The following CUL4A variants were observed in gnomAD, a reference collection of about 807,000 sequenced individuals.
The protein encoded by CUL4A is cullin 4A, also known as cullin-4A.
CUL4A carries 16 observed loss-of-function variants against 95.5 expected under a neutral mutation model. The observed-to-expected ratio is 0.17, with a 90% CI of 0.11 to 0.25. The LOEUF is 0.25. Ranked by LOEUF, CUL4A falls within the 10% of genes least tolerant of loss-of-function variation. The probability of loss-of-function intolerance (pLI) is 1.00; values close to 1 mark genes in which losing one functional copy is unlikely to be tolerated. For missense variants in CUL4A, 610 were observed against 937.0 expected, an observed-to-expected ratio of 0.65 and a Z score of 4.56; for synonymous variants, 380 against 353.1, an observed-to-expected ratio of 1.08 and a Z score of -0.85.
At chr13:113,231,881 C>A (rs542703503) in intron 5 of CUL4A, among the ~76,000 whole-genome samples, 1 of 152,208 alleles carries the variant, frequency 6.6e-6, no homozygotes, top group Non-Finnish European at 1.5e-5. Context: ...TGCACGTCTC[C>A]ACCATTGAGG....
intron 16 of CUL4A, among the ~76,000 whole-genome samples, chr13:113,254,180 C>G (rs944446339): frequency 6.6e-6 from 1 of 152,036 alleles, no homozygotes; most frequent in Non-Finnish European, 1.5e-5. Context: ...CAACTGTCAC[C>G]CAAACTCTCA....
At chr13:113,223,050 G>GA (rs1409329242) in intron 3 of CUL4A, among the ~76,000 whole-genome samples, 1 of 152,152 alleles carries the variant, frequency 6.6e-6, no homozygotes, top group Non-Finnish European at 1.5e-5. Flanking sequence ...GAGTCTGAGG[G>GA]GATGATGAGA....
rs181742289 is a variant in CUL4A, at chr13:113,246,850, C to T, written c.1638+787C>T. Among the ~76,000 whole-genome samples the T allele has an allele frequency of 3.4e-3, 521 of 152,246 alleles. 2 individuals carry two copies. The highest frequency in any genetic ancestry group is 5.4e-3 in the Non-Finnish European group (364 of 68,014). ...GACCAAAGACCCAGGGAAGACTGTCCATTGTTATGCTTAGGTTTGATAAAG... is the reference window on the plus strand; with the variant it reads ...GACCAAAGACCCAGGGAAGACTGTCTATTGTTATGCTTAGGTTTGATAAAG... On this transcript the variant is annotated intron_variant, in intron 15 of 19. Transcript: ENST00000375440.
intron 4 of CUL4A, 133 bp from the exon 5 acceptor site, chr13:113,229,308 AAAAAT>A (rs1481582262): frequency 1.5e-6 from 1 of 683,208 alleles, no homozygotes. Context: ...TTTAGAAAAA[AAAAAT>A]AAAACATGAG....
intron 5 of CUL4A, 47 bp downstream of exon 5, chr13:113,229,566 C>A (rs770126422): frequency 1.4e-5 from 20 of 1,480,602 alleles, no homozygotes; most frequent in Non-Finnish European, 1.9e-5. Context: ...GCAGCTGATG[C>A]TTTTCGTCCC....
intron 3 of CUL4A, among the ~76,000 whole-genome samples, chr13:113,223,366 T>C (rs2040972786): frequency 1.3e-5 from 2 of 152,136 alleles, no homozygotes; most frequent in Admixed American, 1.3e-4. Flanking sequence ...TTCAAGTAAC[T>C]CTACTTTCTA....
rs2042351342 is a variant in CUL4A, at chr13:113,263,848, G to T, written c.*266G>T. 6.4e-6 allele frequency: 2 copies of T among 310,770 alleles called. No individual in the cohort carries two copies. The highest frequency in any genetic ancestry group is 1.1e-4 in the East Asian group (2 of 18,858). The allele number at this position is 310,770 out of a possible 1,614,324, so 19.3% of individuals were successfully genotyped here. On this transcript the variant is annotated 3_prime_UTR_variant, in exon 20 of 20. Transcript: ENST00000375440. ...GCAAAATAACTTTGAGATTGGACAA[G>T]AAGATGTTACTAAAGAGAAGTTCCT...
chr13:113,231,583 C>G (rs1056479832), intron 5 of CUL4A, among the ~76,000 whole-genome samples: 2 of 152,166 alleles, frequency 1.3e-5, no homozygotes, highest in African/African-American at 4.8e-5. Context: ...GCACTGGCTA[C>G]CTGCCTGGCA....
intron 2 of CUL4A, among the ~76,000 whole-genome samples, chr13:113,212,847 T>G (rs2040501455): frequency 6.6e-6 from 1 of 152,204 alleles, no homozygotes; most frequent in African/African-American, 2.4e-5. Flanking sequence ...TTTTTCAGTC[T>G]CTTTTCCCCT....
chr13:113,251,926 A>G lies in CUL4A; in HGVS notation c.1639-1156A>G, dbSNP rs112593930. ...GAGTGGACGAGAGCAGGGGGAGGCC[A>G]CGCCCTGGGCTGTGCAGAGATGGTC... On this transcript the variant is annotated intron_variant, in intron 15 of 19. Transcript: ENST00000375440. Among the ~76,000 whole-genome samples, 1,242 of 152,262 alleles carry G rather than the reference A, an allele frequency of 8.2e-3. 24 individuals are homozygous for G. The highest frequency in any genetic ancestry group is 0.028 in the African/African-American group (1,166 of 41,538).
intron 16 of CUL4A, among the ~76,000 whole-genome samples, chr13:113,253,411 AAAG>A (rs1254422699): frequency 5.9e-5 from 9 of 152,322 alleles, no homozygotes; most frequent in African/African-American, 2.2e-4. Context: ...CTATTGAAAA[AAAG>A]AGCAGAGAAT....
At chr13:113,208,315 T>C, upstream of CUL4A, 1 of 1,431,816 alleles carries the variant, frequency 7.0e-7, no homozygotes, top group Non-Finnish European at 9.1e-7. Flanking sequence ...TGCCAGCAAG[T>C]GAGGGCAGCG....
intron 15 of CUL4A, among the ~76,000 whole-genome samples, chr13:113,247,299 T>C (rs775512728): frequency 1.1e-4 from 17 of 152,166 alleles, no homozygotes; most frequent in Non-Finnish European, 2.5e-4. Context: ...TCAATGTGAC[T>C]GGACAGAAGG....
chr13:113,232,081 CCCACCACCATTACTGTCACCA>C (rs2041346739), intron 5 of CUL4A, among the ~76,000 whole-genome samples: 1 of 137,562 alleles, frequency 7.3e-6, no homozygotes, highest in African/African-American at 2.9e-5. Flanking sequence ...CCACTACCCG[CCCACCACCATTACTGTCACCA>C]CTACCCGCCC....
chr13:113,210,107 C>A lies in CUL4A; in HGVS notation c.264+19C>A. ...CTACCAGGTGAGGCGGCGGCCGGGGCTGGGGACGCCGCTCCTGCCCCGCGT... is the reference window on the plus strand; with the variant it reads ...CTACCAGGTGAGGCGGCGGCCGGGGATGGGGACGCCGCTCCTGCCCCGCGT... On this transcript the variant is annotated intron_variant, in intron 2 of 19. Coordinates refer to ENST00000375440, the MANE Select transcript of CUL4A (RefSeq NM_001008895.4). The A allele has an allele frequency of 6.9e-7, 1 of 1,458,222 alleles. No individual in the cohort carries two copies. 90.3% of individuals were successfully genotyped at this position (1,458,222 alleles called of 1,614,324 possible).
chr13:113,263,793 T>C lies in CUL4A; in HGVS notation c.*211T>C. 2.5e-6 allele frequency: 1 copy of C among 402,236 alleles called. No homozygotes were observed. The highest frequency in any genetic ancestry group is 4.4e-5 in the Admixed American group (1 of 22,604). The allele number at this position is 402,236 out of a possible 1,614,324, so 24.9% of individuals were successfully genotyped here. A position where few individuals can be genotyped will look rare whatever the true frequency, so the allele number is the denominator to read the frequency against. Reference sequence around the variant, plus strand: ...CCTCCAGTTTTTCCTCTAGTTCTTTTAGGCATTTAAATTGTTTCTGTTACT... The same window carrying C: ...CCTCCAGTTTTTCCTCTAGTTCTTTCAGGCATTTAAATTGTTTCTGTTACT... On this transcript the variant is annotated 3_prime_UTR_variant, in exon 20 of 20. Transcript: ENST00000375440.
intron 2 of CUL4A, among the ~76,000 whole-genome samples, chr13:113,215,446 A>G (rs1321714730): frequency 1.5e-4 from 20 of 137,296 alleles, no homozygotes; most frequent in Non-Finnish European, 2.3e-4. Flanking sequence ...CTGTGTGACC[A>G]TGGAGGTTAC....
intron 15 of CUL4A, among the ~76,000 whole-genome samples, chr13:113,251,807 T>C (rs1217727149): frequency 6.6e-6 from 1 of 152,136 alleles, no homozygotes; most frequent in Non-Finnish European, 1.5e-5. Context: ...CTTTATAAAT[T>C]ACCCAGTGTC....
upstream of CUL4A, among the ~76,000 whole-genome samples, chr13:113,209,093 C>T (rs2040210427): frequency 6.7e-6 from 1 of 149,566 alleles, no homozygotes; most frequent in Admixed American, 6.6e-5. Flanking sequence ...TAAGGTGCCT[C>T]CGCCGCGCGC....
Sources: allele counts gnomAD v4.1 joint callset (sites outside exome capture counted in the v4.1 genomes callset), GRCh38; gene constraint gnomAD v4.1.1; transcripts MANE v1.5; gene names NCBI Gene and HGNC (gene_info 2026-07-23, HGNC 2026-07-21).